Variants in ARHGAP20 observed in about 807,000 individuals in gnomAD.
The protein encoded by ARHGAP20 is rho GTPase-activating protein 20.
ARHGAP20 carries 34 observed loss-of-function variants against 73.7 expected under a neutral mutation model. The ratio of observed to expected loss-of-function variants is 0.46; its 90% CI spans 0.35 to 0.61. ARHGAP20 has a LOEUF of 0.61. Among genes scored for constraint, ARHGAP20 ranks in the 20% least tolerant of loss-of-function variants. The pLI is 0.00. For synonymous variants in ARHGAP20, 523 were observed against 518.2 expected, an observed-to-expected ratio of 1.01 and a Z score of -0.13; for missense variants, 1,314 against 1,420.9, an observed-to-expected ratio of 0.92 and a Z score of 1.21.
At chr11:110,654,710 G>A (rs944480634) in intron 2 of ARHGAP20, among the ~76,000 whole-genome samples, 3 of 152,196 alleles carry the variant, frequency 2.0e-5, no homozygotes, top group Non-Finnish European at 2.9e-5. Context: ...TCCAGACTGT[G>A]AGAAGTTTAT....
intron 9 of ARHGAP20, among the ~76,000 whole-genome samples, chr11:110,592,518 A>G (rs1253675356): frequency 6.6e-6 from 1 of 152,234 alleles, no homozygotes; most frequent in Non-Finnish European, 1.5e-5. Flanking sequence ...TTCCCATTTT[A>G]AAGATGAGAC....
chr11:110,691,208 A>T (rs1381209789), intron 1 of ARHGAP20, among the ~76,000 whole-genome samples: 1 of 152,200 alleles, frequency 6.6e-6, no homozygotes, highest in African/African-American at 2.4e-5. Flanking sequence ...GTGGTATATA[A>T]ATATAAGACG....
chr11:110,685,974 G>A (rs945794609), intron 2 of ARHGAP20, among the ~76,000 whole-genome samples: 4 of 152,130 alleles, frequency 2.6e-5, no homozygotes, highest in Admixed American at 2.0e-4. Flanking sequence ...TGAACTAGCT[G>A]TGTTATCATC....
intron 9 of ARHGAP20, among the ~76,000 whole-genome samples, 160 bp from the exon 10 acceptor site, chr11:110,592,315 C>T (rs372478990): frequency 5.3e-5 from 8 of 152,190 alleles, no homozygotes; most frequent in Admixed American, 3.3e-4. Flanking sequence ...AATTTCATTT[C>T]GTCTTTCATC....
At position 110,606,756 on chromosome 11, in the gene ARHGAP20, A is replaced by G; in HGVS notation, c.776-7T>C. On this transcript the variant is annotated splice_polypyrimidine_tract_variant and splice_region_variant and intron_variant, in intron 8 of 14. Coordinates refer to ENST00000683387, the MANE Select transcript of ARHGAP20 (RefSeq NM_001384657.1). The stretch of plus-strand genomic sequence containing the variant: ...CCATATGGATATTCATGCCCTACAC[A>G]GAGACAAATCTAAATGTAGACTTCA... 1 of 1,520,998 alleles carries G rather than the reference A, an allele frequency of 6.6e-7. No homozygotes were observed. Among genetic ancestry groups the G allele is most frequent in the South Asian group, 1.3e-5 (1 of 77,018 alleles). 94.2% of individuals were successfully genotyped at this position (1,520,998 alleles called of 1,614,324 possible).
rs1947310725 is a variant in ARHGAP20 at position 110,577,310 on chromosome 11, A to C, written c.*2060T>G. 1 of 1,299,426 alleles carries C rather than the reference A, an allele frequency of 7.7e-7. No individual in the cohort carries two copies. The highest frequency in any genetic ancestry group is 2.4e-5 in the South Asian group (1 of 41,074). The allele number at this position is 1,299,426 out of a possible 1,614,324, so 80.5% of individuals were successfully genotyped here. ...ATGACATATAGTCTGTCTTCAAATC[A>C]TACAATATAATACTTTACAGCAATA... On this transcript the variant is annotated 3_prime_UTR_variant, in exon 15 of 15. Coordinates refer to ENST00000683387, the MANE Select transcript of ARHGAP20 (RefSeq NM_001384657.1).
intron 2 of ARHGAP20, among the ~76,000 whole-genome samples, chr11:110,677,574 T>C (rs1949957722): frequency 6.6e-6 from 1 of 151,978 alleles, no homozygotes; most frequent in Non-Finnish European, 1.5e-5. Flanking sequence ...GAGCCCAGGA[T>C]TTTGAGGCTG....
At chr11:110,694,199 C>T (rs1049998641) in intron 1 of ARHGAP20, among the ~76,000 whole-genome samples, 52 of 151,608 alleles carry the variant, frequency 3.4e-4, no homozygotes, top group African/African-American at 1.2e-3. Context: ...TCTCTGTCCC[C>T]CAAATGGGAA....
At chr11:110,615,369 TGA>T (rs1167626967) in intron 5 of ARHGAP20, among the ~76,000 whole-genome samples, 182 bp downstream of exon 5, 1 of 152,154 alleles carries the variant, frequency 6.6e-6, no homozygotes, top group Non-Finnish European at 1.5e-5. Context: ...ATACATATAA[TGA>T]GAGAACATTA....
At chr11:110,628,860 T>G (rs978245399) in intron 3 of ARHGAP20, among the ~76,000 whole-genome samples, 3 of 152,102 alleles carry the variant, frequency 2.0e-5, no homozygotes, top group Admixed American at 2.0e-4. Flanking sequence ...TGCCAATATA[T>G]CTAAAAACAG....
intron 1 of ARHGAP20, among the ~76,000 whole-genome samples, chr11:110,707,963 G>T (rs1950579449): frequency 6.8e-6 from 1 of 148,080 alleles, no homozygotes; most frequent in Non-Finnish European, 1.5e-5. Context: ...TTATAATTAA[G>T]AAGCTTACAG....
Position 110,578,895 on chromosome 11 carries a change from C to T in ARHGAP20, c.*475G>A. The T allele has an allele frequency of 2.0e-6, 2 of 986,114 alleles. No individual in the cohort carries two copies. Among genetic ancestry groups the T allele is most frequent in the Non-Finnish European group, 2.4e-6 (2 of 830,374 alleles). 61.1% of individuals were successfully genotyped at this position (986,114 alleles called of 1,614,324 possible). ...AGATTTTATATGATGTTCTTCATTA[C>T]TGGACACACTTAATGCTTTGATTAG... On this transcript the variant is annotated 3_prime_UTR_variant, in exon 15 of 15. Coordinates refer to ENST00000683387, the MANE Select transcript of ARHGAP20 (RefSeq NM_001384657.1).
At chr11:110,618,043 C>CT (rs1273330496) in intron 4 of ARHGAP20, among the ~76,000 whole-genome samples, 2 of 152,058 alleles carry the variant, frequency 1.3e-5, no homozygotes, top group African/African-American at 4.8e-5. Flanking sequence ...ATTAGGGAGG[C>CT]TGGGTCCTAG....
At chr11:110,593,321 GT>G (rs1181521352) in intron 9 of ARHGAP20, among the ~76,000 whole-genome samples, 4 of 152,116 alleles carry the variant, frequency 2.6e-5, no homozygotes, top group Non-Finnish European at 4.4e-5. Context: ...AGTTTAACAG[GT>G]TTGCTTATGA....
chr11:110,675,382 C>T (rs1041892854), intron 2 of ARHGAP20, among the ~76,000 whole-genome samples: 19 of 152,306 alleles, frequency 1.2e-4, no homozygotes, highest in African/African-American at 4.3e-4. Context: ...CTTAAATTCT[C>T]ATTGCTAGAA....
At chr11:110,594,965 C>G (rs930883865) in intron 9 of ARHGAP20, among the ~76,000 whole-genome samples, 5 of 151,400 alleles carry the variant, frequency 3.3e-5, no homozygotes, top group Non-Finnish European at 5.9e-5. Context: ...GGGCTTCATC[C>G]CTGGGATGCA....
chr11:110,578,962 T>C lies in ARHGAP20; in HGVS notation c.*408A>G. ...TACTTATTAAAAACATTCCATGGAA[T>C]GTAGATGGTTTCTCTGTACCCTTCC... is the stretch of plus-strand genomic sequence containing the variant. On this transcript the variant is annotated 3_prime_UTR_variant, in exon 15 of 15. Coordinates refer to ENST00000683387, the MANE Select transcript of ARHGAP20 (RefSeq NM_001384657.1). The C allele has an allele frequency of 2.0e-6, 2 of 988,258 alleles. No homozygotes were observed. Among genetic ancestry groups the C allele is most frequent in the Non-Finnish European group, 2.4e-6 (2 of 831,780 alleles). The allele number at this position is 988,258 out of a possible 1,614,324, so 61.2% of individuals were successfully genotyped here.
At chr11:110,626,265 C>T (rs1238338080) in intron 3 of ARHGAP20, among the ~76,000 whole-genome samples, 3 of 152,154 alleles carry the variant, frequency 2.0e-5, no homozygotes, top group Non-Finnish European at 4.4e-5. Context: ...CTGCAGATAT[C>T]ATGTGGGAAC....
At chr11:110,705,351 G>A (rs1299076251) in intron 1 of ARHGAP20, among the ~76,000 whole-genome samples, 3 of 152,098 alleles carry the variant, frequency 2.0e-5, no homozygotes, top group African/African-American at 7.2e-5. Context: ...TAACCTGGGA[G>A]AATGCTGAAG....
Sources: allele counts gnomAD v4.1 joint callset (sites outside exome capture counted in the v4.1 genomes callset), GRCh38; gene constraint gnomAD v4.1.1; transcripts MANE v1.5; gene names NCBI Gene and HGNC (gene_info 2026-07-23, HGNC 2026-07-21).